Variants in CACNB3 observed in about 807,000 individuals in gnomAD.
CACNB3 encodes calcium voltage-gated channel auxiliary subunit beta 3.
Under a neutral mutation model 63.7 loss-of-function variants are expected in CACNB3, and 36 were observed. That is an observed-to-expected ratio of 0.57 (90% confidence interval 0.43 to 0.75). The LOEUF is 0.75. Ranked by LOEUF, CACNB3 falls within the 30% of genes least tolerant of loss-of-function variation. The pLI, the probability that CACNB3 is intolerant of heterozygous loss-of-function variation, is 0.00. For synonymous variants in CACNB3, 241 were observed against 250.6 expected (o/e 0.96, Z 0.36); for missense variants, 493 against 648.6 (o/e 0.76, Z 2.61).
chr12:48,825,911 C>G lies in CACNB3; in HGVS notation c.742+142C>G, dbSNP rs1186560264. Reference sequence around the variant, plus strand: ...TGGTGAGATCTCGGCTCACTGCAACCTCCACCTCCTGGGTTCAAGCGATCT... The same window carrying G: ...TGGTGAGATCTCGGCTCACTGCAACGTCCACCTCCTGGGTTCAAGCGATCT... On this transcript the variant is annotated intron_variant, in intron 9 of 12. Coordinates refer to ENST00000301050, the MANE Select transcript of CACNB3 (RefSeq NM_000725.4). The surrounding 1 kb of genome is among the most constrained non-coding windows in gnomAD (Gnocchi z 4.5). 1.5e-5 allele frequency: 9 copies of G among 618,452 alleles called. No individual in the cohort carries two copies. Among genetic ancestry groups the G allele is most frequent in the Non-Finnish European group, 2.3e-5 (8 of 348,112 alleles). 38.3% of individuals were successfully genotyped at this position (618,452 alleles called of 1,614,324 possible). A position where few individuals can be genotyped will look rare whatever the true frequency, so the allele number is the denominator to read the frequency against.
upstream of CACNB3, chr12:48,815,843 G>C: frequency 1.3e-6 from 1 of 767,840 alleles, no homozygotes; most frequent in Non-Finnish European, 2.2e-6. Context: ...CACCGATGGG[G>C]AGGCAGGGAA....
At chr12:48,818,351 G>T (rs947472862), upstream of CACNB3, 7 of 605,298 alleles carry the variant, frequency 1.2e-5, no homozygotes, top group Non-Finnish European at 1.5e-5. This position sits in a 1 kb window ranked among gnomAD's most constrained non-coding sequence, Gnocchi z 4.3. Flanking sequence ...CGTCTCCCTC[G>T]CGGTCTCAGC....
At chr12:48,819,287 G>A (rs895602203) in intron 1 of CACNB3, among the ~76,000 whole-genome samples, 2 of 152,276 alleles carry the variant, frequency 1.3e-5, no homozygotes, top group Admixed American at 1.3e-4. Flanking sequence ...AGAGGCTCTG[G>A]AGAGGGAACA....
At chr12:48,815,757 G>T (rs1380736596), upstream of CACNB3, 1 of 1,258,074 alleles carries the variant, frequency 7.9e-7, no homozygotes, top group Non-Finnish European at 1.1e-6. Flanking sequence ...TGGGGTCGTG[G>T]GAAGGGGGTT....
At chr12:48,820,506 G>C (rs898305973) in intron 1 of CACNB3, 1 of 152,212 alleles carries the variant, frequency 6.6e-6, no homozygotes, top group African/African-American at 2.4e-5. Context: ...GGGAGATCAG[G>C]CTCTAAATAA....
chr12:48,827,354 C>T (rs541157825), intron 12 of CACNB3, among the ~76,000 whole-genome samples: 2 of 152,348 alleles, frequency 1.3e-5, no homozygotes, highest in African/African-American at 2.4e-5. Flanking sequence ...TCAAGAGAAA[C>T]ACAATCTCCA....
upstream of CACNB3, among the ~76,000 whole-genome samples, chr12:48,817,488 C>T (rs532226856): frequency 5.9e-5 from 9 of 152,268 alleles, no homozygotes; most frequent in East Asian, 5.8e-4. Context: ...CCCCTGTCTA[C>T]GCACATCCTC....
intron 1 of CACNB3, among the ~76,000 whole-genome samples, chr12:48,821,823 C>T (rs1344476857): frequency 6.6e-6 from 1 of 152,222 alleles, no homozygotes. Flanking sequence ...AGATGAGGAA[C>T]AGTCGGCGGA....
chr12:48,823,543 G>A lies in CACNB3; in HGVS notation c.168+77G>A. 4 of 1,594,322 alleles carry A rather than the reference G, an allele frequency of 2.5e-6. No individual in the cohort carries two copies. Among genetic ancestry groups the A allele is most frequent in the Middle Eastern group, 1.7e-4 (1 of 5,976 alleles). ...TGCACTCGGTCCTAAGTCCCAAGGG[G>A]TCCTTGGGCAGGATGTCCTTGAGTG... On this transcript the variant is annotated intron_variant, in intron 2 of 12. Transcript: ENST00000301050. The surrounding 1 kb of genome is among the most constrained non-coding windows in gnomAD (Gnocchi z 4.2).
Position 48,825,020 on chromosome 12 carries a change from G to C in CACNB3, c.492+52G>C. The C allele has an allele frequency of 1.3e-6, 2 of 1,572,810 alleles. No homozygotes were observed. The highest frequency in any genetic ancestry group is 1.6e-5 in the African/African-American group (1 of 61,704). ...GGGGGATCATGGCTTATGGCTCTGG[G>C]GACAGTGTTCTAGGCAGTCATTGTT... On this transcript the variant is annotated intron_variant, in intron 6 of 12. Coordinates refer to ENST00000301050, the MANE Select transcript of CACNB3 (RefSeq NM_000725.4). This position sits in a 1 kb window ranked among gnomAD's most constrained non-coding sequence, Gnocchi z 4.5.
rs1938295895 is a variant in CACNB3, at chr12:48,828,906, C to G, written c.*1007C>G. 8.0e-6 allele frequency: 3 copies of G among 376,924 alleles called. No individual in the cohort carries two copies. Among genetic ancestry groups the G allele is most frequent in the South Asian group, 5.9e-5 (3 of 51,132 alleles). 23.3% of individuals were successfully genotyped at this position (376,924 alleles called of 1,614,324 possible). A position where few individuals can be genotyped will look rare whatever the true frequency, so the allele number is the denominator to read the frequency against. On this transcript the variant is annotated 3_prime_UTR_variant, in exon 13 of 13. Coordinates refer to ENST00000301050, the MANE Select transcript of CACNB3 (RefSeq NM_000725.4). ...GCATGCTCCACAAGCCCCTGCCTCA[C>G]CTCACTGTCATCACTAATAAACATC...
chr12:48,827,239 C>G (rs758534009), intron 12 of CACNB3, 116 bp downstream of exon 12: 1 of 1,282,304 alleles, frequency 7.8e-7, no homozygotes. Context: ...TTGTAGAACT[C>G]TCAGCTCTGC....
chr12:48,824,628 A>G (rs1193593123), intron 4 of CACNB3, 41 bp from the exon 5 acceptor site: 3 of 1,526,212 alleles, frequency 2.0e-6, no homozygotes, highest in African/African-American at 1.4e-5. Context: ...ACACAGAGAC[A>G]CATTCTTCTC....
chr12:48,827,561 T>C (rs551023159), intron 12 of CACNB3, 24 bp from the exon 13 acceptor site: 3 of 1,604,242 alleles, frequency 1.9e-6, no homozygotes, highest in Non-Finnish European at 2.6e-6. Context: ...ACTGCCTCAC[T>C]GAGAGCTGTT....
chr12:48,823,512 G>A lies in CACNB3; in HGVS notation c.168+46G>A. Reference sequence around the variant, plus strand: ...GCAAGACAGGAGGCCAAGCTAGGTGGAAACCTGCACTCGGTCCTAAGTCCC... The same window carrying A: ...GCAAGACAGGAGGCCAAGCTAGGTGAAAACCTGCACTCGGTCCTAAGTCCC... On this transcript the variant is annotated intron_variant, in intron 2 of 12. Transcript: ENST00000301050. This position sits in a 1 kb window ranked among gnomAD's most constrained non-coding sequence, Gnocchi z 4.2. 6.2e-7 allele frequency: 1 copy of A among 1,606,652 alleles called. No individual in the cohort carries two copies.
At chr12:48,821,041 C>G (rs1188123410) in intron 1 of CACNB3, 1 of 151,906 alleles carries the variant, frequency 6.6e-6, no homozygotes, top group Non-Finnish European at 1.5e-5. Context: ...AAAATTAGCC[C>G]AGCATGGTGG....
upstream of CACNB3, chr12:48,814,696 G>A (rs1942244167): frequency 2.2e-6 from 2 of 900,190 alleles, no homozygotes; most frequent in Admixed American, 6.1e-5. This position sits in a 1 kb window ranked among gnomAD's most constrained non-coding sequence, Gnocchi z 6.9. Context: ...GGGGGAGAGG[G>A]GTTCGTCCTG....
intron 3 of CACNB3, 103 bp from the exon 4 acceptor site, chr12:48,824,154 TC>T (rs1201556387): frequency 1.3e-5 from 13 of 981,580 alleles, no homozygotes; most frequent in Non-Finnish European, 2.0e-5. Context: ...ATTGCATTCC[TC>T]AGACCAGCTC....
In CACNB3 at chr12:48,825,527, AAGG is replaced by A. The variant is rs776458986; in HGVS notation, c.632+38_632+40del. The stretch of plus-strand genomic sequence containing the variant: ...CCTGGCCTGAGGTGGCCTGAGAACC[AAGG>A]AGAAGCTCATGGCCTACTTCCAGAT... On this transcript the variant is annotated intron_variant, in intron 8 of 12. Coordinates refer to ENST00000301050, the MANE Select transcript of CACNB3 (RefSeq NM_000725.4). This position sits in a 1 kb window ranked among gnomAD's most constrained non-coding sequence, Gnocchi z 4.5. The A allele has an allele frequency of 1.9e-6, 3 of 1,611,760 alleles. No individual in the cohort carries two copies. The highest frequency in any genetic ancestry group is 1.7e-6 in the Non-Finnish European group (2 of 1,177,974).
Sources: allele counts gnomAD v4.1 joint callset (sites outside exome capture counted in the v4.1 genomes callset), GRCh38; gene constraint gnomAD v4.1.1; non-coding constraint Gnocchi (gnomAD v3.1); transcripts MANE v1.5; gene names NCBI Gene and HGNC (gene_info 2026-07-23, HGNC 2026-07-21).